Variants in ERICH3 observed in about 807,000 individuals in gnomAD.
The protein encoded by ERICH3 is glutamate rich 3, also known as glutamate-rich protein 3.
A neutral mutation model predicts 131.1 loss-of-function variants in ERICH3; 126 were observed. The ratio of observed to expected loss-of-function variants is 0.96; its 90% CI spans 0.83 to 1.11. ERICH3 has a LOEUF of 1.11. Ranked by LOEUF, ERICH3 falls within the 50% of genes most tolerant of loss-of-function variation. ERICH3 has a pLI of 0.00. For synonymous variants in ERICH3, 695 were observed against 644.6 expected, an observed-to-expected ratio of 1.08 and a Z score of -1.18; for missense variants, 2,050 against 1,810.7, an observed-to-expected ratio of 1.13 and a Z score of -2.40.
chr1:74,636,011 G>T (rs896792707), intron 6 of ERICH3, among the ~76,000 whole-genome samples: 1 of 152,082 alleles, frequency 6.6e-6, no homozygotes, highest in African/African-American at 2.4e-5. Flanking sequence ...TTTCCCCTTT[G>T]TTTTTCAATC....
chr1:74,674,001 G>C (rs574200457), upstream of ERICH3, among the ~76,000 whole-genome samples: 4 of 152,300 alleles, frequency 2.6e-5, no homozygotes, highest in East Asian at 3.9e-4. Context: ...TAGGCCCTGG[G>C]GAAGGAAGGA....
chr1:74,643,380 G>A (rs1035708510), intron 3 of ERICH3, among the ~76,000 whole-genome samples: 1 of 151,910 alleles, frequency 6.6e-6, no homozygotes, highest in African/African-American at 2.4e-5. Flanking sequence ...TTTAAAAAAT[G>A]TCTTATGCAC....
intron 1 of ERICH3, among the ~76,000 whole-genome samples, chr1:74,667,222 T>C (rs1646700676): frequency 6.6e-6 from 1 of 152,184 alleles, no homozygotes; most frequent in African/African-American, 2.4e-5. Flanking sequence ...ACACATAATA[T>C]ATCATTTAGG....
In ERICH3 at chr1:74,646,791, ATC is replaced by A; in HGVS notation, c.118-1_118del. On this transcript the variant is annotated splice_acceptor_variant and coding_sequence_variant, in exon 3 of 15. Coordinates refer to ENST00000326665, the MANE Select transcript of ERICH3 (RefSeq NM_001002912.5). LOFTEE classifies it high-confidence loss of function. ...AGAAAGTATTCTTCCACTTCTTGTG[ATC>A]TGTCATGAATAAATAAAATATACAT... 1 of 1,451,786 alleles carries A rather than the reference ATC, an allele frequency of 6.9e-7. No individual in the cohort carries two copies. Among genetic ancestry groups the A allele is most frequent in the Non-Finnish European group, 9.4e-7 (1 of 1,067,770 alleles). The allele number at this position is 1,451,786 out of a possible 1,614,324, so 89.9% of individuals were successfully genotyped here. A position where few individuals can be genotyped will look rare whatever the true frequency, so the allele number is the denominator to read the frequency against.
At chr1:74,653,425 G>C (rs1646555828) in intron 1 of ERICH3, among the ~76,000 whole-genome samples, 1 of 148,686 alleles carries the variant, frequency 6.7e-6, no homozygotes, top group South Asian at 2.1e-4. Context: ...GAGAACGAGA[G>C]AGAGAGAGAG....
Position 74,572,772 on chromosome 1 carries a change from G to C in ERICH3, c.2938C>G (p.Pro980Ala), listed in dbSNP as rs1240673166. Residue 980 changes from proline to alanine, a missense_variant, in exon 14 of 15, where the codon CCA becomes GCA. Transcript: ENST00000326665. ...SEEAILGGEE[P>A]AKERKEVMRT... Reference sequence around the variant, plus strand: ...ATAACCTCTTTTCTCTCTTTGGCTGGTTCCTCTCCCCCAAGAATTGCCTCT... The same window carrying C: ...ATAACCTCTTTTCTCTCTTTGGCTGCTTCCTCTCCCCCAAGAATTGCCTCT... 3.7e-5 allele frequency: 59 copies of C among 1,613,574 alleles called. No individual in the cohort carries two copies. The highest frequency in any genetic ancestry group is 4.7e-5 in the Non-Finnish European group (56 of 1,179,952).
rs1648663592 is a variant in ERICH3, at chr1:74,610,928, G to A, written c.1187+1695C>T. On this transcript the variant is annotated intron_variant, in intron 9 of 14. Coordinates refer to ENST00000326665, the MANE Select transcript of ERICH3 (RefSeq NM_001002912.5). Reference sequence around the variant, plus strand: ...CCTTAACCATTTTCTTTATTTCCAAGATACTACTCTCTCTAGGTTCTCTTT... The same window carrying A: ...CCTTAACCATTTTCTTTATTTCCAAAATACTACTCTCTCTAGGTTCTCTTT... Among the ~76,000 whole-genome samples the A allele has an allele frequency of 2.0e-5, 3 of 151,956 alleles. No homozygotes were observed. In the South Asian group the frequency reaches 6.2e-4, roughly 32 times the overall value.
intron 9 of ERICH3, among the ~76,000 whole-genome samples, chr1:74,609,410 A>T (rs1259249772): frequency 6.6e-6 from 1 of 152,012 alleles, no homozygotes; most frequent in African/African-American, 2.4e-5. Context: ...GTATTGGAGG[A>T]ATTAGTGTAC....
chr1:74,588,627 G>T (rs771280068), intron 12 of ERICH3, among the ~76,000 whole-genome samples: 7 of 152,098 alleles, frequency 4.6e-5, no homozygotes, highest in African/African-American at 9.7e-5. Flanking sequence ...AATGGCTCCT[G>T]CATTGACAGG....
rs1364900974 is a variant in ERICH3 at position 74,576,956 on chromosome 1, A to G, written c.2177-20T>C. The G allele has an allele frequency of 9.6e-6, 15 of 1,567,852 alleles. No homozygotes were observed. The highest frequency in any genetic ancestry group is 3.7e-5 in the Admixed American group (2 of 54,638). On this transcript the variant is annotated intron_variant, in intron 12 of 14. Transcript: ENST00000326665. ...CCTTTCCTAGTTAAAAAAAAAAAAA[A>G]GAAAAAAAAGGTCAAATGAATCACT...
chr1:74,571,421 C>T lies in ERICH3; in HGVS notation c.4289G>A (p.Gly1430Glu), dbSNP rs746281871. 2.5e-6 allele frequency: 4 copies of T among 1,613,896 alleles called. No individual in the cohort carries two copies. The highest frequency in any genetic ancestry group is 1.3e-5 in the African/African-American group (1 of 74,880). The change falls in exon 14 of 15, where the codon GGG becomes GAG. Residue 1430 changes from glycine to glutamate, a missense_variant. Transcript: ENST00000326665. ...CTCCAGGGCTCCTGGAGTGCCCACC[C>T]CAGCCTCTGTTGTATATGTCACTGT... ...EMTVTYTTEA[G>E]VGTPGALERK... is the part of the protein sequence containing the mutation.
In ERICH3 at chr1:74,636,284, A is replaced by G. The variant is rs767445645; in HGVS notation, c.599T>C (p.Ile200Thr). ...ATTGATAAAAATAACATTTACCCCA[A>G]TGGGAAACAGAGCTTCATTTTCCAG... ...SLLENEALFP[I>T]GGKKAVMKFR... The change falls in exon 6 of 15, where the codon ATT (isoleucine) becomes ACT (threonine). Residue 200 changes from isoleucine to threonine, a missense_variant. Coordinates refer to ENST00000326665, the MANE Select transcript of ERICH3 (RefSeq NM_001002912.5). 4 of 1,600,528 alleles carry G rather than the reference A, an allele frequency of 2.5e-6. No homozygotes were observed. The highest frequency in any genetic ancestry group is 1.1e-5 in the South Asian group (1 of 87,702).
Position 74,576,937 on chromosome 1 carries a change from C to T in ERICH3, c.2177-1G>A, listed in dbSNP as rs1313879520. 3 of 1,587,770 alleles carry T rather than the reference C, an allele frequency of 1.9e-6. No homozygotes were observed. The East Asian group carries it at 6.8e-5, about 36-fold the overall frequency. On this transcript the variant is annotated splice_acceptor_variant, in intron 12 of 14. Transcript: ENST00000326665. LOFTEE classifies it high-confidence loss of function. ...TAGGCTAATGGCAATGAATCCTTTC[C>T]TAGTTAAAAAAAAAAAAAAGAAAAA... is the stretch of plus-strand genomic sequence containing the variant.
Position 74,646,649 on chromosome 1 carries a change from A to T in ERICH3, c.243+18T>A. ...AGAAAAAAATAAAATAAAATAAAAA[A>T]TAAGTATATATTTTTACCTCCATAT... On this transcript the variant is annotated intron_variant, in intron 3 of 14. Transcript: ENST00000326665. 1.7e-6 allele frequency: 2 copies of T among 1,179,218 alleles called. No homozygotes were observed. The highest frequency in any genetic ancestry group is 3.9e-5 in the South Asian group (2 of 50,792). 73.0% of individuals were successfully genotyped at this position (1,179,218 alleles called of 1,614,324 possible). A position where few individuals can be genotyped will look rare whatever the true frequency, so the allele number is the denominator to read the frequency against.
intron 8 of ERICH3, among the ~76,000 whole-genome samples, chr1:74,613,809 G>T (rs557954658): frequency 1.3e-5 from 2 of 152,104 alleles, no homozygotes; most frequent in Admixed American, 1.3e-4. Flanking sequence ...ATTCTCTGCA[G>T]AGTGACTCAA....
chr1:74,651,026 G>T (rs1419261393), intron 1 of ERICH3, among the ~76,000 whole-genome samples: 1 of 151,980 alleles, frequency 6.6e-6, no homozygotes, highest in East Asian at 1.9e-4. Flanking sequence ...TTAAAAAAAT[G>T]CATACTCTAT....
At position 74,673,444 on chromosome 1, in the gene ERICH3, C is replaced by T. The variant is rs1453355650; in HGVS notation, c.23+53G>A. 1.2e-5 allele frequency: 19 copies of T among 1,603,584 alleles called. No individual in the cohort carries two copies. In the South Asian group the frequency reaches 2.0e-4, roughly 17 times the overall value. On this transcript the variant is annotated intron_variant, in intron 1 of 14. Transcript: ENST00000326665. ...CAGCAGGAGGGAGGAGGAGGGGCAG[C>T]TGGCTGAAGCCGCCACCTGCCACAG...
chr1:74,586,392 T>C (rs1647333437), intron 12 of ERICH3: 1 of 978,408 alleles, frequency 1.0e-6, no homozygotes, highest in Non-Finnish European at 1.2e-6. Flanking sequence ...ACCTATAATT[T>C]CTGTAATCAT....
At chr1:74,576,699 A>G (rs554649799) in intron 13 of ERICH3, among the ~76,000 whole-genome samples, 196 bp downstream of exon 13, 22 of 152,274 alleles carry the variant, frequency 1.4e-4, no homozygotes, top group African/African-American at 5.3e-4. Flanking sequence ...GGATAATGTG[A>G]CCATATGATG....
Sources: gnomAD v4.1 joint callset for allele counts (sites outside exome capture counted in the v4.1 genomes callset) on GRCh38, gnomAD v4.1.1 for gene constraint, MANE v1.5 for transcripts, NCBI Gene and HGNC (gene_info 2026-07-23, HGNC 2026-07-21) for gene names.